Variants in EIF4E1B observed in about 807,000 individuals in gnomAD.
The protein encoded by EIF4E1B is eukaryotic translation initiation factor 4E type 1B.
A neutral mutation model predicts 31.3 loss-of-function variants in EIF4E1B; 22 were observed. The observed-to-expected ratio is 0.70, with a 90% CI of 0.50 to 1.00. EIF4E1B has a LOEUF of 1.00. EIF4E1B is among the 50% of genes least tolerant of loss of function. The pLI is 0.00. For synonymous variants in EIF4E1B, 126 were observed against 120.2 expected (o/e 1.05, Z -0.31); for missense variants, 290 against 311.6 (o/e 0.93, Z 0.52).
Position 176,646,210 on chromosome 5 carries a change from AGG to A in EIF4E1B, c.*232_*233del, listed in dbSNP as rs1760706374. On this transcript the variant is annotated 3_prime_UTR_variant, in exon 9 of 9. Coordinates refer to ENST00000318682, the MANE Select transcript of EIF4E1B (RefSeq NM_001099408.2). Reference sequence around the variant, plus strand: ...TGTCCTGGGGCCACAGGACAGCAGCAGGGTGGAAAAAACTCCTGAGGGTGGGG... The same window carrying A: ...TGTCCTGGGGCCACAGGACAGCAGCAGTGGAAAAAACTCCTGAGGGTGGGG... The A allele has an allele frequency of 2.1e-6, 1 of 468,696 alleles. No individual in the cohort carries two copies. The highest frequency in any genetic ancestry group is 3.3e-5 in the Admixed American group (1 of 29,932). The allele number at this position is 468,696 out of a possible 1,614,324, so 29.0% of individuals were successfully genotyped here.
rs917372208 is a variant in EIF4E1B, at chr5:176,646,131, G to A, written c.*151G>A. On this transcript the variant is annotated 3_prime_UTR_variant, in exon 9 of 9. Transcript: ENST00000318682. Reference sequence around the variant, plus strand: ...CAAACACTCTTTAACATGAGTTGGGGCCTGAGCCTTAGGGGCTAGATGGGG... The same window carrying A: ...CAAACACTCTTTAACATGAGTTGGGACCTGAGCCTTAGGGGCTAGATGGGG... 3 of 688,282 alleles carry A rather than the reference G, an allele frequency of 4.4e-6. No individual in the cohort carries two copies. Among genetic ancestry groups the A allele is most frequent in the Non-Finnish European group, 7.4e-6 (3 of 403,596 alleles). The allele number at this position is 688,282 out of a possible 1,614,324, so 42.6% of individuals were successfully genotyped here. A position where few individuals can be genotyped will look rare whatever the true frequency, so the allele number is the denominator to read the frequency against.
chr5:176,645,760 G>A lies in EIF4E1B; in HGVS notation c.615-106G>A, dbSNP rs2113450527. ...TCCACATGGGTAAGACACAACAGGT[G>A]TGGCTGTGGCCAGAATGAGGGTAGG... On this transcript the variant is annotated intron_variant, in intron 8 of 8. Transcript: ENST00000318682. The surrounding 1 kb of genome is among the most constrained non-coding windows in gnomAD (Gnocchi z 5.4). The A allele has an allele frequency of 8.6e-7, 1 of 1,157,080 alleles. No individual in the cohort carries two copies. The highest frequency in any genetic ancestry group is 1.2e-6 in the Non-Finnish European group (1 of 830,408). The allele number at this position is 1,157,080 out of a possible 1,614,324, so 71.7% of individuals were successfully genotyped here. A position where few individuals can be genotyped will look rare whatever the true frequency, so the allele number is the denominator to read the frequency against.
intron 1 of EIF4E1B, among the ~76,000 whole-genome samples, chr5:176,635,537 G>C (rs751757868): frequency 1.3e-5 from 2 of 152,224 alleles, no homozygotes; most frequent in African/African-American, 2.4e-5. Context: ...AGTCAGGCAG[G>C]AAGTTCGTTT....
intron 1 of EIF4E1B, among the ~76,000 whole-genome samples, chr5:176,637,806 T>G (rs539529576): frequency 6.6e-6 from 1 of 152,226 alleles, no homozygotes; most frequent in African/African-American, 2.4e-5. Context: ...GTGATCCAGA[T>G]TTCATTTTAA....
In EIF4E1B at chr5:176,630,702, G is replaced by C. The variant is rs535776206; in HGVS notation, c.-564G>C. The C allele has an allele frequency of 6.6e-6, 1 of 152,370 alleles. No homozygotes were observed. The highest frequency in any genetic ancestry group is 2.1e-4 in the South Asian group (1 of 4,828). 9.4% of individuals were successfully genotyped at this position (152,370 alleles called of 1,614,324 possible). A position where few individuals can be genotyped will look rare whatever the true frequency, so the allele number is the denominator to read the frequency against. ...AGTCTGTTGGGAGTTGAGGGAGGGG[G>C]ACAACGCGGCGTGTGAAGAGTGGGG... is the stretch of plus-strand genomic sequence containing the variant. On this transcript the variant is annotated 5_prime_UTR_variant, in exon 1 of 9. Coordinates refer to ENST00000318682, the MANE Select transcript of EIF4E1B (RefSeq NM_001099408.2).
intron 5 of EIF4E1B, 63 bp downstream of exon 5, chr5:176,643,797 C>T (rs184522665): frequency 1.4e-4 from 218 of 1,525,872 alleles, no homozygotes; most frequent in East Asian, 1.0e-3. Context: ...TCCCTCTCTC[C>T]GGGTTGAGCC....
chr5:176,642,868 C>T (rs1400241516), intron 3 of EIF4E1B, 66 bp downstream of exon 3: 1 of 1,161,584 alleles, frequency 8.6e-7, no homozygotes. Context: ...CCCCCCCCGC[C>T]CCAGGTGGGC....
At chr5:176,644,522 G>C in intron 6 of EIF4E1B, 83 bp downstream of exon 6, 1 of 1,360,214 alleles carries the variant, frequency 7.4e-7, no homozygotes, top group Non-Finnish European at 1.0e-6. Flanking sequence ...ATCCCTCAGA[G>C]GGGTGGGGGT....
chr5:176,643,397 A>G (rs538159218), intron 4 of EIF4E1B, 131 bp downstream of exon 4: 1 of 1,220,650 alleles, frequency 8.2e-7, no homozygotes, highest in East Asian at 2.5e-5. Context: ...GGGCTGACCT[A>G]AGCCTTGGGC....
intron 1 of EIF4E1B, among the ~76,000 whole-genome samples, chr5:176,635,151 G>A (rs75654889): frequency 0.012 from 1,785 of 152,104 alleles, 42 homozygotes; most frequent in African/African-American, 0.038. Context: ...TGCAAACTTC[G>A]GGGTGGCCAG....
Position 176,645,419 on chromosome 5 carries a change from G to A in EIF4E1B, c.517G>A (p.Glu173Lys). 1 of 1,519,612 alleles carries A rather than the reference G, an allele frequency of 6.6e-7. No homozygotes were observed. The highest frequency in any genetic ancestry group is 8.8e-7 in the Non-Finnish European group (1 of 1,133,124). The allele number at this position is 1,519,612 out of a possible 1,614,324, so 94.1% of individuals were successfully genotyped here. A position where few individuals can be genotyped will look rare whatever the true frequency, so the allele number is the denominator to read the frequency against. Residue 173 changes from glutamate (E) to lysine (K), a missense_variant, in exon 8 of 9, where the codon GAG becomes AAG. Transcript: ENST00000318682. This position sits in a 1 kb window ranked among gnomAD's most constrained non-coding sequence, Gnocchi z 5.4. The stretch of plus-strand genomic sequence containing the variant: ...GGAGAGCTTTGAGGAACACAGCAGA[G>A]AGGTATGTGGGGCCGTCGTCAACAT... ...IGESFEEHSR[E>K]VCGAVVNIRT...
In EIF4E1B at chr5:176,645,184, C is replaced by T; in HGVS notation, c.415C>T (p.Leu139=). ...DSRNKRGGRW[L]VSLAKQQRHI... ...CAGGAATAAACGGGGTGGCCGCTGG[C>T]TGGTCAGCCTGGCCAAGCAGCAGCG... The change falls in exon 7 of 9, where the codon CTG becomes TTG. Residue 139 remains leucine (L), a synonymous_variant. Transcript: ENST00000318682. The surrounding 1 kb of genome is among the most constrained non-coding windows in gnomAD (Gnocchi z 5.4). 2 of 1,582,644 alleles carry T rather than the reference C, an allele frequency of 1.3e-6. No individual in the cohort carries two copies. Among genetic ancestry groups the T allele is most frequent in the Non-Finnish European group, 8.6e-7 (1 of 1,164,754 alleles).
In EIF4E1B at chr5:176,645,193, C is replaced by T. The variant is rs2113449493; in HGVS notation, c.424C>T (p.Leu142=). The T allele has an allele frequency of 6.3e-7, 1 of 1,585,906 alleles. No homozygotes were observed. ...ACGGGGTGGCCGCTGGCTGGTCAGC[C>T]TGGCCAAGCAGCAGCGCCACATTGA... ...NKRGGRWLVS[L]AKQQRHIELD... Residue 142 remains leucine (L), a synonymous_variant, in exon 7 of 9, where the codon CTG becomes TTG. Coordinates refer to ENST00000318682, the MANE Select transcript of EIF4E1B (RefSeq NM_001099408.2). This position sits in a 1 kb window ranked among gnomAD's most constrained non-coding sequence, Gnocchi z 5.4.
chr5:176,644,495 C>A, intron 6 of EIF4E1B, 56 bp downstream of exon 6: 1 of 1,428,528 alleles, frequency 7.0e-7, no homozygotes, highest in Non-Finnish European at 9.6e-7. Context: ...TGATCCCTCC[C>A]GGACTCCACT....
chr5:176,638,797 G>A lies in EIF4E1B; in HGVS notation c.-201-3246G>A, dbSNP rs1209205739. Among the ~76,000 whole-genome samples, 1 of 151,202 alleles carries A rather than the reference G, an allele frequency of 6.6e-6. No homozygotes were observed. Among genetic ancestry groups the A allele is most frequent in the African/African-American group, 2.5e-5 (1 of 40,596 alleles). The stretch of plus-strand genomic sequence containing the variant: ...TGTTTGTTTGTTTGTTTGTTTAAAT[G>A]CAGTTTCACTCTTGTTGCCCAGGCT... On this transcript the variant is annotated intron_variant, in intron 1 of 8. Coordinates refer to ENST00000318682, the MANE Select transcript of EIF4E1B (RefSeq NM_001099408.2). This position sits in a 1 kb window ranked among gnomAD's most constrained non-coding sequence, Gnocchi z 4.3.
chr5:176,644,158 C>T, intron 5 of EIF4E1B: 1 of 592,686 alleles, frequency 1.7e-6, no homozygotes, highest in South Asian at 2.1e-5. Flanking sequence ...GTCTAAAACC[C>T]TCCCCAGGGG....
chr5:176,639,640 G>A (rs950325517), intron 1 of EIF4E1B, among the ~76,000 whole-genome samples: 4 of 152,080 alleles, frequency 2.6e-5, no homozygotes, highest in Non-Finnish European at 5.9e-5. Context: ...ATTCCTGGCC[G>A]GCACAGTGGC....
chr5:176,634,795 G>A (rs1344860779), intron 1 of EIF4E1B, among the ~76,000 whole-genome samples: 1 of 150,926 alleles, frequency 6.6e-6, no homozygotes, highest in Non-Finnish European at 1.5e-5. Context: ...TCAGCCTCCT[G>A]AGTAGCTGGG....
At chr5:176,641,391 G>A (rs147368909) in intron 1 of EIF4E1B, among the ~76,000 whole-genome samples, 56 of 152,302 alleles carry the variant, frequency 3.7e-4, no homozygotes, top group South Asian at 2.1e-3. Flanking sequence ...GAACTAAGGC[G>A]TCAGAAGTTC....
Sources: allele counts gnomAD v4.1 joint callset (sites outside exome capture counted in the v4.1 genomes callset), GRCh38; gene constraint gnomAD v4.1.1; non-coding constraint Gnocchi (gnomAD v3.1); transcripts MANE v1.5; gene names NCBI Gene and HGNC (gene_info 2026-07-23, HGNC 2026-07-21).